The following FAM184A variants were observed in gnomAD, a reference collection of about 807,000 sequenced individuals.
FAM184A encodes protein FAM184A.
In FAM184A, 99 loss-of-function variants were observed where a neutral mutation model predicts 143.8. The observed-to-expected ratio is 0.69, with a 90% confidence interval of 0.58 to 0.81. FAM184A has a LOEUF of 0.81. FAM184A is among the 40% of genes least tolerant of loss of function. The pLI is 0.00. For synonymous variants in FAM184A, 427 were observed against 446.4 expected, an observed-to-expected ratio of 0.96 and a Z score of 0.55; for missense variants, 1,217 against 1,310.5, an observed-to-expected ratio of 0.93 and a Z score of 1.10.
At chr6:119,065,661 C>A (rs189023840) in intron 1 of FAM184A, among the ~76,000 whole-genome samples, 9 of 151,748 alleles carry the variant, frequency 5.9e-5, no homozygotes, top group Non-Finnish European at 8.8e-5. Flanking sequence ...TCTTCTCCTA[C>A]AACAAACTGT....
intron 1 of FAM184A, among the ~76,000 whole-genome samples, chr6:119,076,067 G>A (rs1380624395): frequency 6.6e-6 from 1 of 152,006 alleles, no homozygotes; most frequent in Admixed American, 6.6e-5. Context: ...CCGCTCCTGG[G>A]AAATTTTGGT....
At chr6:119,027,407 T>C (rs1426671288) in intron 1 of FAM184A, among the ~76,000 whole-genome samples, 2 of 152,162 alleles carry the variant, frequency 1.3e-5, no homozygotes, top group African/African-American at 2.4e-5. Flanking sequence ...AAGAAATATA[T>C]ATTTGGTCTC....
chr6:119,111,010 T>C (rs1788916479), intron 1 of FAM184A, among the ~76,000 whole-genome samples: 1 of 152,240 alleles, frequency 6.6e-6, no homozygotes, highest in African/African-American at 2.4e-5. Flanking sequence ...AAGGTTGCGA[T>C]GAGTATCCTC....
intron 1 of FAM184A, among the ~76,000 whole-genome samples, chr6:119,132,394 T>G (rs1194362778): frequency 6.6e-6 from 1 of 152,222 alleles, no homozygotes; most frequent in Non-Finnish European, 1.5e-5. Flanking sequence ...ACTAGCTGGC[T>G]TGGCTAGAGG....
At chr6:119,144,809 G>A (rs1772369275) in intron 1 of FAM184A, among the ~76,000 whole-genome samples, 1 of 152,170 alleles carries the variant, frequency 6.6e-6, no homozygotes, top group South Asian at 2.1e-4. Flanking sequence ...CCTGGCCTAG[G>A]GGGTGGTAGA....
intron 1 of FAM184A, among the ~76,000 whole-genome samples, chr6:119,034,041 TAGAGAGAGAGAGAGAGAG>T (rs57162948): frequency 0.019 from 787 of 42,014 alleles, 9 homozygotes; most frequent in Middle Eastern, 0.054. Flanking sequence ...TATATATATA[TAGAGAGAGAGAGAGAGAG>T]AGAGAGAGAG....
At chr6:119,116,816 T>C (rs794258) in intron 1 of FAM184A, among the ~76,000 whole-genome samples, 4,986 of 152,268 alleles carry the variant, frequency 0.033, 129 homozygotes, top group African/African-American at 0.065. Flanking sequence ...ATCACAGATA[T>C]ATGAAAGTGC....
intron 1 of FAM184A, among the ~76,000 whole-genome samples, chr6:119,126,377 A>T (rs1789365962): frequency 6.6e-6 from 1 of 152,226 alleles, no homozygotes; most frequent in Admixed American, 6.5e-5. Context: ...CTGAAACAGG[A>T]AATTTTCCCT....
intron 1 of FAM184A, among the ~76,000 whole-genome samples, chr6:119,040,967 C>T (rs1786306398): frequency 6.6e-6 from 1 of 152,162 alleles, no homozygotes; most frequent in African/African-American, 2.4e-5. Flanking sequence ...GCTGTTTTTG[C>T]AAGCATTTGA....
chr6:119,092,784 G>A (rs1788407404), intron 1 of FAM184A, among the ~76,000 whole-genome samples: 2 of 152,180 alleles, frequency 1.3e-5, no homozygotes, highest in Middle Eastern at 3.4e-3. Context: ...ACTCACTCTG[G>A]TCTAAAAACT....
chr6:119,135,651 A>G (rs1789641398), intron 1 of FAM184A, among the ~76,000 whole-genome samples: 1 of 152,170 alleles, frequency 6.6e-6, no homozygotes, highest in African/African-American at 2.4e-5. Context: ...CTGAGCCTGG[A>G]AAAGAGAGTT....
At chr6:118,969,993 A>ATATAAAATATATATATATAT (rs1189865476) in intron 14 of FAM184A, among the ~76,000 whole-genome samples, 1 of 24,376 alleles carries the variant, frequency 4.1e-5, no homozygotes, top group East Asian at 2.0e-3. Context: ...ATATATATAT[A>ATATAAAATATATATATATAT]ATATATATAT....
At position 119,129,723 on chromosome 6, in the gene FAM184A, TG is replaced by T. The variant is rs1196934194; in HGVS notation, c.-202+19354del. ...CATTTTTGTGTTTTGTGTGTGTGTG[TG>T]GGGGGTTGTTATTGTTGTTTTCTTT... On this transcript the variant is annotated intron_variant, in intron 1 of 16. Coordinates refer to the FAM184A transcript ENST00000352896. Among the ~76,000 whole-genome samples the T allele has an allele frequency of 3.5e-4, 34 of 97,824 alleles. 1 individual carries two copies. In the South Asian group the frequency reaches 3.9e-3, roughly 11 times the overall value. 64.2% of individuals were successfully genotyped at this position (97,824 alleles called of 152,430 possible).
At chr6:119,126,050 T>G (rs1032108000) in intron 1 of FAM184A, among the ~76,000 whole-genome samples, 2 of 152,152 alleles carry the variant, frequency 1.3e-5, no homozygotes, top group Non-Finnish European at 2.9e-5. Flanking sequence ...CTCACAGGAA[T>G]AAAATTAAGG....
In FAM184A at chr6:119,078,108, G is replaced by A. The variant is rs1787939710; in HGVS notation, c.159+33C>T. The A allele has an allele frequency of 6.4e-7, 1 of 1,555,868 alleles. No individual in the cohort carries two copies. Among genetic ancestry groups the A allele is most frequent in the East Asian group, 2.4e-5 (1 of 41,018 alleles). On this transcript the variant is annotated intron_variant, in intron 1 of 17. Coordinates refer to ENST00000338891, the MANE Select transcript of FAM184A (RefSeq NM_024581.6). The surrounding 1 kb of genome is among the most constrained non-coding windows in gnomAD (Gnocchi z 5.5). ...GGTGAGTCCGGCGCGGCCCGCACGG[G>A]GTCGCCACCTGCCCCGTCGCTGCCC...
At chr6:119,032,885 G>C (rs192412576) in intron 1 of FAM184A, among the ~76,000 whole-genome samples, 1 of 152,228 alleles carries the variant, frequency 6.6e-6, no homozygotes, top group Admixed American at 6.5e-5. Context: ...AAGGTTACTT[G>C]AGCCATAAGA....
chr6:119,003,120 G>C, intron 8 of FAM184A, 71 bp from the exon 9 acceptor site: 1 of 1,346,570 alleles, frequency 7.4e-7, no homozygotes. Context: ...AGAGTCTACA[G>C]GTTTTTTAAG....
Position 119,061,525 on chromosome 6 carries a change from A to ATT in FAM184A, c.159+16614_159+16615dup, listed in dbSNP as rs1476201793. On this transcript the variant is annotated intron_variant, in intron 1 of 17. Coordinates refer to ENST00000338891, the MANE Select transcript of FAM184A (RefSeq NM_024581.6). ...TGTGTGCTACCATGCCTGGCTAATTATTTTTCTTTTTTTTTTTTTTTTTTT... is the reference window on the plus strand; with the variant it reads ...TGTGTGCTACCATGCCTGGCTAATTATTTTTTTCTTTTTTTTTTTTTTTTTTT... 5.0e-3 allele frequency among the ~76,000 whole-genome samples: 258 copies of ATT among 51,544 alleles called. 2 individuals carry two copies. Among genetic ancestry groups the ATT allele is most frequent in the Non-Finnish European group, 7.8e-3 (204 of 26,222 alleles). 33.8% of individuals were successfully genotyped at this position (51,544 alleles called of 152,430 possible).
intron 1 of FAM184A, among the ~76,000 whole-genome samples, chr6:119,030,757 A>G (rs1453193975): frequency 6.6e-6 from 1 of 151,866 alleles, no homozygotes; most frequent in African/African-American, 2.4e-5. Flanking sequence ...AAAATTGGCT[A>G]TTTTTTTACA....
Sources: allele counts gnomAD v4.1 joint callset (sites outside exome capture counted in the v4.1 genomes callset), GRCh38; gene constraint gnomAD v4.1.1; non-coding constraint Gnocchi (gnomAD v3.1); transcripts MANE v1.5; gene names NCBI Gene and HGNC (gene_info 2026-07-23, HGNC 2026-07-21).